Variants in TCEA1 observed in about 807,000 individuals in gnomAD.
TCEA1 encodes the protein transcription elongation factor A protein 1.
TCEA1 carries 21 observed loss-of-function variants against 43.8 expected under a neutral mutation model. That is an observed-to-expected ratio of 0.48 (90% CI 0.34 to 0.69). TCEA1 has a LOEUF of 0.69. Among genes scored for constraint, TCEA1 ranks in the 30% least tolerant of loss-of-function variants. TCEA1 has a pLI of 0.01. For synonymous variants in TCEA1, 104 were observed against 117.5 expected, an observed-to-expected ratio of 0.88 and a Z score of 0.75; for missense variants, 250 against 365.1, an observed-to-expected ratio of 0.68 and a Z score of 2.57.
chr8:53,993,567 C>CA (rs775172364), intron 4 of TCEA1, 101 bp downstream of exon 4: 11 of 891,896 alleles, frequency 1.2e-5, no homozygotes, highest in Non-Finnish European at 1.7e-5. Context: ...GATTAGAAAA[C>CA]AAAAAAAGGA....
intron 8 of TCEA1, 147 bp from the exon 9 acceptor site, chr8:53,970,610 A>AT: frequency 1.8e-6 from 1 of 542,934 alleles, no homozygotes; most frequent in Non-Finnish European, 3.2e-6. Flanking sequence ...CAAATAAGCT[A>AT]AATAATGTCA....
intron 3 of TCEA1, among the ~76,000 whole-genome samples, chr8:53,995,232 T>C (rs533959350): frequency 2.7e-5 from 4 of 149,934 alleles, no homozygotes; most frequent in South Asian, 4.2e-4. Flanking sequence ...GAGGAGGAGG[T>C]TGCAGTGAGC....
intron 1 of TCEA1, among the ~76,000 whole-genome samples, chr8:54,016,442 G>A (rs992756841): frequency 6.6e-5 from 10 of 151,916 alleles, no homozygotes; most frequent in African/African-American, 1.9e-4. Flanking sequence ...CACTCCAGCC[G>A]GGGTGACAGA....
At chr8:54,013,589 G>A (rs1339725112) in intron 1 of TCEA1, among the ~76,000 whole-genome samples, 2 of 148,030 alleles carry the variant, frequency 1.4e-5, no homozygotes, top group Admixed American at 7.0e-5. Context: ...GCTGAGGCAG[G>A]AGAATCACTT....
intron 2 of TCEA1, among the ~76,000 whole-genome samples, chr8:54,001,532 A>G (rs896178748): frequency 6.6e-6 from 1 of 152,212 alleles, no homozygotes; most frequent in Non-Finnish European, 1.5e-5. Flanking sequence ...TGGGGTTAAC[A>G]AGGCTAGTTT....
chr8:54,014,094 A>C (rs1320729738), intron 1 of TCEA1, among the ~76,000 whole-genome samples: 1 of 152,194 alleles, frequency 6.6e-6, no homozygotes, highest in East Asian at 1.9e-4. Flanking sequence ...TCAAACCCTT[A>C]ACTACACACA....
chr8:54,021,628 G>T (rs1168881638), intron 1 of TCEA1: 1 of 155,650 alleles, frequency 6.4e-6, no homozygotes, highest in Non-Finnish European at 1.4e-5. Context: ...TTACCAGCCC[G>T]ATGTCTAATA....
At chr8:53,977,749 A>G (rs1020059981) in intron 8 of TCEA1, among the ~76,000 whole-genome samples, 3 of 152,060 alleles carry the variant, frequency 2.0e-5, no homozygotes, top group Non-Finnish European at 4.4e-5. Context: ...CAAAATAACT[A>G]TAACACGGTT....
At position 53,972,413 on chromosome 8, in the gene TCEA1, T is replaced by C. The variant is rs573199227; in HGVS notation, c.826-1950A>G. The C allele has an allele frequency of 3.0e-5, 16 of 536,648 alleles. No individual in the cohort carries two copies. The East Asian group carries it at 7.5e-4, about 25-fold the overall frequency. 33.2% of individuals were successfully genotyped at this position (536,648 alleles called of 1,614,324 possible). A position where few individuals can be genotyped will look rare whatever the true frequency, so the allele number is the denominator to read the frequency against. ...AAACTAGTTCTGAAAATGAAGATGA[T>C]ATGGCAGATTTGTTTCCAGAAGAAT... is the stretch of plus-strand genomic sequence containing the variant. On this transcript the variant is annotated intron_variant, in intron 8 of 9. Transcript: ENST00000521604.
chr8:53,976,991 A>C (rs1398474130), intron 8 of TCEA1, among the ~76,000 whole-genome samples: 1 of 152,238 alleles, frequency 6.6e-6, no homozygotes, highest in Non-Finnish European at 1.5e-5. Flanking sequence ...AAAGAGGCAG[A>C]AGCTCATATA....
chr8:54,014,031 C>A (rs1443595229), intron 1 of TCEA1, among the ~76,000 whole-genome samples: 2 of 152,142 alleles, frequency 1.3e-5, no homozygotes, highest in Non-Finnish European at 2.9e-5. Context: ...AGACTGAAAC[C>A]CTTTCTGACA....
intron 3 of TCEA1, among the ~76,000 whole-genome samples, chr8:53,994,896 G>T (rs921575403): frequency 6.6e-5 from 10 of 151,118 alleles, no homozygotes; most frequent in Admixed American, 6.6e-4. Context: ...TAAGCAATGA[G>T]ATATTATGAA....
intron 5 of TCEA1, among the ~76,000 whole-genome samples, 169 bp from the exon 6 acceptor site, chr8:53,987,194 C>T (rs1803715518): frequency 6.6e-6 from 1 of 152,216 alleles, no homozygotes; most frequent in Non-Finnish European, 1.5e-5. Flanking sequence ...CGCTAGACTT[C>T]TTTTCTGGGC....
intron 4 of TCEA1, among the ~76,000 whole-genome samples, chr8:53,988,787 C>G (rs1275972320): frequency 6.6e-6 from 1 of 152,150 alleles, no homozygotes; most frequent in African/African-American, 2.4e-5. Context: ...CTCTGTTTCA[C>G]TGGGCATGGT....
Position 53,993,721 on chromosome 8 carries a change from C to T in TCEA1, c.267G>A (p.Lys89=). 6.2e-7 allele frequency: 1 copy of T among 1,613,668 alleles called. No homozygotes were observed. The change falls in exon 4 of 10, where the codon AAG becomes AAA. Residue 89 remains lysine (K), a synonymous_variant. Transcript: ENST00000521604. The stretch of plus-strand genomic sequence containing the variant: ...GCGATGTAATTGCAGGTTCTTTCTT[C>T]TTTTCGTCAAGGTCTTTCTCAGTTG... ...GPSTEKDLDE[K]KKEPAITSQN... is the part of the protein sequence containing the mutation.
At chr8:54,021,937 CGG>C in intron 1 of TCEA1, 124 bp downstream of exon 1, 2 of 960,138 alleles carry the variant, frequency 2.1e-6, no homozygotes, top group Non-Finnish European at 2.8e-6. Flanking sequence ...GACGCGGGCG[CGG>C]CGGGCCCGGC....
intron 2 of TCEA1, among the ~76,000 whole-genome samples, chr8:54,005,530 AC>A (rs1804410847): frequency 6.6e-6 from 1 of 151,524 alleles, no homozygotes; most frequent in Non-Finnish European, 1.5e-5. Flanking sequence ...TCCCAAGCTC[AC>A]CTTCATACTA....
rs1390156019 is a variant in TCEA1 at position 53,970,424 on chromosome 8, C to A, written c.865G>T (p.Val289Phe). ...CGATTTCCACATTCATTACAGACAA[C>A]AAATGTTGTCATTGGTTCATCAGCA... ...RSADEPMTTF[V>F]VCNECGNRWK... Residue 289 changes from valine to phenylalanine, a missense_variant, in exon 9 of 10, where the codon GTT (valine) becomes TTT (phenylalanine). This residue lies in a region of TCEA1 where 46 missense variants were observed against 109.8 expected (regional missense o/e 0.42). Coordinates refer to ENST00000521604, the MANE Select transcript of TCEA1 (RefSeq NM_006756.4). 1 of 1,611,536 alleles carries A rather than the reference C, an allele frequency of 6.2e-7. No individual in the cohort carries two copies. The highest frequency in any genetic ancestry group is 1.7e-5 in the Admixed American group (1 of 59,792).
At chr8:54,014,352 T>C (rs947028889) in intron 1 of TCEA1, among the ~76,000 whole-genome samples, 1 of 152,112 alleles carries the variant, frequency 6.6e-6, no homozygotes, top group Non-Finnish European at 1.5e-5. Context: ...GCTCAGCCTG[T>C]AATCCCAGCA....
Sources: gnomAD v4.1 joint callset for allele counts (sites outside exome capture counted in the v4.1 genomes callset) on GRCh38, gnomAD v4.1.1 for gene constraint, gnomAD v4.1.1 regional missense constraint, MANE v1.5 for transcripts, NCBI Gene and HGNC (gene_info 2026-07-23, HGNC 2026-07-21) for gene names.